The following GPSM2 variants were observed in gnomAD, a reference collection of about 807,000 sequenced individuals.
GPSM2 encodes G protein-signaling modulator 2.
GPSM2 carries 58 observed loss-of-function variants against 78.4 expected under a neutral mutation model. The observed-to-expected ratio is 0.74, with a 90% CI of 0.60 to 0.92. The LOEUF is 0.92. Among genes scored for constraint, GPSM2 ranks in the 40% least tolerant of loss-of-function variants. GPSM2 has a pLI of 0.00. For synonymous variants in GPSM2, 224 were observed against 280.2 expected, an observed-to-expected ratio of 0.80 and a Z score of 2.00; for missense variants, 700 against 815.5, an observed-to-expected ratio of 0.86 and a Z score of 1.73.
rs1385069043 is a variant in GPSM2, at chr1:108,901,809, C to T, written c.817C>T (p.Arg273Ter). 5.0e-6 allele frequency: 8 copies of T among 1,611,808 alleles called. No homozygotes were observed. The highest frequency in any genetic ancestry group is 2.2e-5 in the South Asian group (2 of 91,020). Residue 273 changes from arginine (R) to a stop codon, truncating the protein, a stop_gained, in exon 8 of 15, where the codon CGA (arginine) becomes TGA (stop). Transcript: ENST00000264126. LOFTEE classifies it high-confidence loss of function. ...TTGTAGGAAGACACTACTGTTGGCCCGACAGCTTAAAGACCGAGCTGTAGA... is the reference window on the plus strand; with the variant it reads ...TTGTAGGAAGACACTACTGTTGGCCTGACAGCTTAAAGACCGAGCTGTAGA... The part of the protein sequence containing the change: ...EYYKKTLLLA[R>*]QLKDRAVEAQ...
intron 11 of GPSM2, among the ~76,000 whole-genome samples, chr1:108,917,573 T>A (rs1650325656): frequency 1.8e-5 from 2 of 114,226 alleles, no homozygotes. Context: ...CTCAAAAAAA[T>A]TTAAAAAAAG....
intron 10 of GPSM2, 71 bp downstream of exon 10, chr1:108,904,325 T>C (rs1649061865): frequency 2.0e-6 from 2 of 999,774 alleles, no homozygotes; most frequent in Non-Finnish European, 3.1e-6. Context: ...TTATCACAAA[T>C]TTGGCATATT....
chr1:108,924,956 T>C (rs114175439), intron 14 of GPSM2, among the ~76,000 whole-genome samples: 2,374 of 152,216 alleles, frequency 0.016, 70 homozygotes, highest in African/African-American at 0.054. Context: ...GCTAGAAAGA[T>C]TGTATGGTGA....
chr1:108,931,628 T>TTAAA lies in GPSM2; in HGVS notation c.*1688_*1689insTAAA. 2.5e-6 allele frequency: 2 copies of TTAAA among 810,286 alleles called. No individual in the cohort carries two copies. Among genetic ancestry groups the TTAAA allele is most frequent in the African/African-American group, 3.9e-5 (2 of 51,496 alleles). 50.2% of individuals were successfully genotyped at this position (810,286 alleles called of 1,614,324 possible). ...GAATTAATTACATTAAGTGCTCAGC[T>TTAAA]AAAAAAAAAAAAAAAGTTCTAAATT... On this transcript the variant is annotated 3_prime_UTR_variant, in exon 15 of 15. Transcript: ENST00000264126.
rs75587891 is a variant in GPSM2 at position 108,933,676 on chromosome 1, G to C, written c.*3736G>C. 110 of 152,294 alleles carry C rather than the reference G, an allele frequency of 7.2e-4. No individual in the cohort carries two copies. The highest frequency in any genetic ancestry group is 2.5e-3 in the African/African-American group (104 of 41,558). The allele number at this position is 152,294 out of a possible 1,614,324, so 9.4% of individuals were successfully genotyped here. On this transcript the variant is annotated 3_prime_UTR_variant, in exon 15 of 15. Coordinates refer to ENST00000264126, the MANE Select transcript of GPSM2 (RefSeq NM_013296.5). The stretch of plus-strand genomic sequence containing the variant: ...TGTCTGTGAAGTCTGCTAAGGACAG[G>C]TACAAAATTTATGCATTGCTTTTTA...
intron 11 of GPSM2, among the ~76,000 whole-genome samples, chr1:108,915,647 G>A (rs1290501627): frequency 5.9e-5 from 9 of 151,746 alleles, no homozygotes; most frequent in African/African-American, 1.9e-4. Context: ...CGATGGTCTC[G>A]ATCTCCTGAC....
chr1:108,895,960 A>G (rs151035179), intron 2 of GPSM2, among the ~76,000 whole-genome samples: 3,183 of 152,246 alleles, frequency 0.021, 79 homozygotes, highest in Non-Finnish European at 0.026. Flanking sequence ...TTAAAATGAT[A>G]AGTTAAAGAT....
intron 11 of GPSM2, among the ~76,000 whole-genome samples, chr1:108,916,372 T>C (rs2101515238): frequency 6.6e-6 from 1 of 152,292 alleles, no homozygotes; most frequent in African/African-American, 2.4e-5. Context: ...GTGTGAATAG[T>C]CTTCAAAAAA....
chr1:108,928,064 CA>C (rs1433070635), intron 14 of GPSM2, among the ~76,000 whole-genome samples: 72 of 152,290 alleles, frequency 4.7e-4, no homozygotes, highest in African/African-American at 1.6e-3. Context: ...ACAACGTAGA[CA>C]AATTGGACTT....
Position 108,897,537 on chromosome 1 carries a change from G to A in GPSM2, c.324G>A (p.Leu108=). 6.2e-7 allele frequency: 1 copy of A among 1,613,222 alleles called. No individual in the cohort carries two copies. Among genetic ancestry groups the A allele is most frequent in the Non-Finnish European group, 8.5e-7 (1 of 1,179,596 alleles). The change falls in exon 4 of 15, where the codon CTG becomes CTA. Residue 108 remains leucine (L), a synonymous_variant. Transcript: ENST00000264126. The part of the protein sequence containing the change: ...QLGEAKASGN[L]GNTLKVLGNF... ...GGGAAGCGAAAGCTAGTGGTAATCT[G>A]GGAAACACCTTAAAAGTTCTTGGGA...
In GPSM2 at chr1:108,929,822, A is replaced by G; in HGVS notation, c.1937A>G (p.Gln646Arg). 1 of 1,613,858 alleles carries G rather than the reference A, an allele frequency of 6.2e-7. No individual in the cohort carries two copies. The highest frequency in any genetic ancestry group is 1.6e-4 in the Middle Eastern group (1 of 6,062). ...TCCCAGGGAAAGAGAATGGATGAAC[A>G]GAGAGTTCTTTTACAAAGAGATCAA... ...LRSQGKRMDE[Q>R]RVLLQRDQNR... Residue 646 changes from glutamine to arginine, a missense_variant, in exon 15 of 15, where the codon CAG becomes CGG. Gln to Arg is a conservative substitution (Grantham distance 43). Coordinates refer to ENST00000264126, the MANE Select transcript of GPSM2 (RefSeq NM_013296.5).
At chr1:108,903,492 C>T (rs577457488) in intron 9 of GPSM2, among the ~76,000 whole-genome samples, 1 of 152,102 alleles carries the variant, frequency 6.6e-6, no homozygotes. Context: ...TATGCCCCTA[C>T]TCTACCCGCA....
intron 14 of GPSM2, among the ~76,000 whole-genome samples, chr1:108,925,736 G>T (rs1312750161): frequency 6.6e-6 from 1 of 152,144 alleles, no homozygotes; most frequent in Non-Finnish European, 1.5e-5. Flanking sequence ...GAGAAAATGG[G>T]AAGTGTGAAA....
chr1:108,924,047 C>G lies in GPSM2; in HGVS notation c.1648C>G (p.Leu550Val). 1 of 1,613,312 alleles carries G rather than the reference C, an allele frequency of 6.2e-7. No homozygotes were observed. Among genetic ancestry groups the G allele is most frequent in the Non-Finnish European group, 8.5e-7 (1 of 1,179,428 alleles). The change falls in exon 14 of 15, where the codon CTT (leucine) becomes GTT (valine). Residue 550 changes from leucine to valine, a missense_variant. Transcript: ENST00000264126. ...VSPNTDEFLD[L>V]LASSQSRRLD... is the part of the protein sequence containing the mutation. Reference sequence around the variant, plus strand: ...CCCCAACACGGATGAGTTTTTAGATCTTCTTGCCAGCTCACAGAGTCGCCG... The same window carrying G: ...CCCCAACACGGATGAGTTTTTAGATGTTCTTGCCAGCTCACAGAGTCGCCG...
intron 14 of GPSM2, chr1:108,926,586 G>A (rs1651133748): frequency 6.6e-6 from 1 of 152,090 alleles, no homozygotes; most frequent in South Asian, 2.1e-4. Context: ...AGGACTGATT[G>A]TTCAACATGT....
intron 5 of GPSM2, 50 bp downstream of exon 5, chr1:108,898,151 A>C: frequency 6.4e-7 from 1 of 1,560,906 alleles, no homozygotes; most frequent in Non-Finnish European, 8.8e-7. Flanking sequence ...TAAGCCGTGG[A>C]TCTGCTGTAC....
At chr1:108,898,541 T>C in intron 5 of GPSM2, 101 bp from the exon 6 acceptor site, 1 of 1,069,098 alleles carries the variant, frequency 9.4e-7, no homozygotes, top group East Asian at 2.4e-5. Context: ...GGCTGTAAGC[T>C]TCCCTACATT....
chr1:108,889,008 C>T (rs985202443), intron 2 of GPSM2, among the ~76,000 whole-genome samples: 1 of 152,214 alleles, frequency 6.6e-6, no homozygotes, highest in African/African-American at 2.4e-5. Flanking sequence ...CTGTATCCAG[C>T]ATGAAGTATT....
At position 108,897,041 on chromosome 1, in the gene GPSM2, T is replaced by A; in HGVS notation, c.234T>A (p.Tyr78Ter). 1 of 1,613,466 alleles carries A rather than the reference T, an allele frequency of 6.2e-7. No homozygotes were observed. Among genetic ancestry groups the A allele is most frequent in the Non-Finnish European group, 8.5e-7 (1 of 1,179,492 alleles). ...LGNAYFYLHD[Y>*]AKALEYHHHD... ...ATGCTTATTTCTATTTGCATGATTA[T>A]GCCAAAGCATTAGAATATCACCATC... is the stretch of plus-strand genomic sequence containing the variant. Residue 78 changes from tyrosine (Y) to a stop codon, truncating the protein, a stop_gained, in exon 3 of 15, where the codon TAT becomes TAA. Coordinates refer to ENST00000264126, the MANE Select transcript of GPSM2 (RefSeq NM_013296.5). LOFTEE classifies it high-confidence loss of function.
Sources: allele counts gnomAD v4.1 joint callset (sites outside exome capture counted in the v4.1 genomes callset), GRCh38; gene constraint gnomAD v4.1.1; transcripts MANE v1.5; gene names NCBI Gene and HGNC (gene_info 2026-07-23, HGNC 2026-07-21).